Variants in SLC6A11 observed in about 807,000 individuals in gnomAD.
The protein encoded by SLC6A11 is solute carrier family 6 member 11, also known as sodium- and chloride-dependent GABA transporter 3.
SLC6A11 carries 25 observed loss-of-function variants against 74.8 expected under a neutral mutation model. The ratio of observed to expected loss-of-function variants is 0.33; its 90% CI spans 0.24 to 0.47. SLC6A11 has a LOEUF of 0.47. Among genes scored for constraint, SLC6A11 ranks in the 20% least tolerant of loss-of-function variants. The pLI, the probability that SLC6A11 is intolerant of heterozygous loss-of-function variation, is 1.00. For missense variants in SLC6A11, 574 were observed against 837.0 expected, an observed-to-expected ratio of 0.69 and a Z score of 3.88; for synonymous variants, 330 against 330.2, an observed-to-expected ratio of 1.00 and a Z score of 0.01.
In SLC6A11 at chr3:10,926,211, A is replaced by G; in HGVS notation, c.1233+95A>G. 1.4e-6 allele frequency: 1 copy of G among 729,694 alleles called. No homozygotes were observed. The highest frequency in any genetic ancestry group is 2.3e-6 in the Non-Finnish European group (1 of 429,728). The allele number at this position is 729,694 out of a possible 1,614,324, so 45.2% of individuals were successfully genotyped here. On this transcript the variant is annotated intron_variant, in intron 9 of 13. Coordinates refer to ENST00000254488, the MANE Select transcript of SLC6A11 (RefSeq NM_014229.3). This position sits in a 1 kb window ranked among gnomAD's most constrained non-coding sequence, Gnocchi z 5.7. Reference sequence around the variant, plus strand: ...TAGGAGTGGCTCCCCAGGCCCAGCCACTCCCACCTGGCCCTGGCATCAGGG... The same window carrying G: ...TAGGAGTGGCTCCCCAGGCCCAGCCGCTCCCACCTGGCCCTGGCATCAGGG...
intron 5 of SLC6A11, among the ~76,000 whole-genome samples, chr3:10,848,345 G>A (rs753588486): frequency 6.6e-6 from 1 of 152,200 alleles, no homozygotes; most frequent in African/African-American, 2.4e-5. Context: ...TCCAGGAAGC[G>A]CTGGCATTAG....
At chr3:10,890,675 T>A (rs535908395) in intron 6 of SLC6A11, among the ~76,000 whole-genome samples, 1 of 152,372 alleles carries the variant, frequency 6.6e-6, no homozygotes, top group South Asian at 2.1e-4. Flanking sequence ...GAGTTGACAC[T>A]TGTATTTCAC....
chr3:10,881,777 A>C (rs2106609532), intron 6 of SLC6A11, among the ~76,000 whole-genome samples: 1 of 152,296 alleles, frequency 6.6e-6, no homozygotes, highest in Middle Eastern at 3.4e-3. Flanking sequence ...TCTTCTGCCC[A>C]CATCCCCACC....
At chr3:10,873,584 G>GCCATGCTATCCTATCCTATC (rs1559566923) in intron 5 of SLC6A11, among the ~76,000 whole-genome samples, 3 of 116,458 alleles carry the variant, frequency 2.6e-5, no homozygotes, top group African/African-American at 1.2e-4. Context: ...CCTACCCTAC[G>GCCATGCTATCCTATCCTATC]CTATCCTATC....
chr3:10,845,379 CT>C (rs1694490412), intron 5 of SLC6A11, among the ~76,000 whole-genome samples: 1 of 152,146 alleles, frequency 6.6e-6, no homozygotes, highest in Non-Finnish European at 1.5e-5. Flanking sequence ...TGCTGTTCAT[CT>C]TTTTCTTACG....
intron 4 of SLC6A11, among the ~76,000 whole-genome samples, chr3:10,831,855 T>C (rs1270119447): frequency 2.0e-5 from 3 of 152,182 alleles, no homozygotes; most frequent in Non-Finnish European, 4.4e-5. Flanking sequence ...TATATGCACC[T>C]ATAGGCCGGC....
chr3:10,888,655 C>T (rs755229622), intron 6 of SLC6A11, among the ~76,000 whole-genome samples: 7 of 152,218 alleles, frequency 4.6e-5, no homozygotes, highest in Non-Finnish European at 1.0e-4. Context: ...GTGGTGTTTT[C>T]ACCCTTGAGA....
At chr3:10,859,515 A>T (rs965150519) in intron 5 of SLC6A11, among the ~76,000 whole-genome samples, 3 of 152,326 alleles carry the variant, frequency 2.0e-5, no homozygotes, top group East Asian at 1.9e-4. Flanking sequence ...GGTAGCAGAC[A>T]GGTATGTCTG....
At chr3:10,841,175 T>C (rs747077367) in intron 4 of SLC6A11, among the ~76,000 whole-genome samples, 5 of 152,196 alleles carry the variant, frequency 3.3e-5, no homozygotes, top group Admixed American at 1.3e-4. Context: ...GCTTCAGCAT[T>C]TCCCGCTCCC....
intron 5 of SLC6A11, among the ~76,000 whole-genome samples, chr3:10,846,658 A>G (rs1278074272): frequency 5.3e-5 from 8 of 152,196 alleles, no homozygotes; most frequent in Admixed American, 2.6e-4. Context: ...GCAGACAGCT[A>G]TGATCTTGGA....
chr3:10,827,296 T>C (rs1379919370), intron 4 of SLC6A11, among the ~76,000 whole-genome samples: 2 of 152,198 alleles, frequency 1.3e-5, no homozygotes, highest in African/African-American at 4.8e-5. Context: ...TCTCTGCCCC[T>C]GCCCCAGTGT....
Position 10,816,632 on chromosome 3 carries a change from C to A in SLC6A11, c.256+111C>A. The A allele has an allele frequency of 8.6e-7, 1 of 1,159,956 alleles. No individual in the cohort carries two copies. The allele number at this position is 1,159,956 out of a possible 1,614,324, so 71.9% of individuals were successfully genotyped here. ...GCGCCTGCGTGGAGCGGAACCCGAG[C>A]GGAGAACCTCGACTCCAGGCACCTC... is the stretch of plus-strand genomic sequence containing the variant. On this transcript the variant is annotated intron_variant, in intron 1 of 13. Transcript: ENST00000254488. This position sits in a 1 kb window ranked among gnomAD's most constrained non-coding sequence, Gnocchi z 4.2.
At chr3:10,881,452 T>G (rs1694981056) in intron 6 of SLC6A11, among the ~76,000 whole-genome samples, 1 of 152,130 alleles carries the variant, frequency 6.6e-6, no homozygotes, top group African/African-American at 2.4e-5. Flanking sequence ...GTGGCTGCAT[T>G]TATACCATCA....
intron 5 of SLC6A11, among the ~76,000 whole-genome samples, chr3:10,847,879 G>A (rs1196718060): frequency 2.0e-5 from 3 of 152,076 alleles, no homozygotes; most frequent in East Asian, 1.9e-4. Flanking sequence ...AACTTCCCAC[G>A]TGGGCAGAGG....
intron 1 of SLC6A11, among the ~76,000 whole-genome samples, chr3:10,817,420 T>C (rs1250511021): frequency 6.6e-6 from 1 of 152,122 alleles, no homozygotes; most frequent in Admixed American, 6.5e-5. Context: ...CTCTCCCAGC[T>C]CAGGGAAGGG....
intron 4 of SLC6A11, among the ~76,000 whole-genome samples, chr3:10,833,383 G>A (rs1353032256): frequency 6.6e-6 from 1 of 152,166 alleles, no homozygotes; most frequent in Admixed American, 6.5e-5. Flanking sequence ...AAGTGTAAGG[G>A]GTGGAGGCCC....
intron 5 of SLC6A11, among the ~76,000 whole-genome samples, chr3:10,845,712 A>G (rs533089556): frequency 6.6e-6 from 1 of 152,204 alleles, no homozygotes; most frequent in Admixed American, 6.5e-5. Flanking sequence ...AAACAGCCAC[A>G]CAGATGCAGA....
At chr3:10,837,907 C>T (rs564786331) in intron 4 of SLC6A11, among the ~76,000 whole-genome samples, 217 of 152,356 alleles carry the variant, frequency 1.4e-3, no homozygotes, top group Non-Finnish European at 2.7e-3. Context: ...CCCAAGGCAG[C>T]GGCCAGCTCC....
rs1695652290 is a variant in SLC6A11 at position 10,929,327 on chromosome 3, G to A, written c.1359G>A (p.Val453=). 3 of 1,613,990 alleles carry A rather than the reference G, an allele frequency of 1.9e-6. No individual in the cohort carries two copies. The African/African-American group carries it at 4.0e-5, about 22-fold the overall frequency. The change falls in exon 10 of 14, where the codon GTG becomes GTA. Residue 453 remains valine, a synonymous_variant. Transcript: ENST00000254488. ...LSVISYFLGL[V]MLTEGGMYIF... is the part of the protein sequence containing the mutation. ...TTATCTCCTATTTTCTGGGCCTCGT[G>A]ATGTTAACAGAGGTGAGTGGCATGG... is the stretch of plus-strand genomic sequence containing the variant.
Sources: gnomAD v4.1 joint callset for allele counts (sites outside exome capture counted in the v4.1 genomes callset) on GRCh38, gnomAD v4.1.1 for gene constraint, Gnocchi (gnomAD v3.1) non-coding constraint, MANE v1.5 for transcripts, NCBI Gene and HGNC (gene_info 2026-07-23, HGNC 2026-07-21) for gene names.